PI4KA: variants seen among roughly 807,000 people sequenced by gnomAD.
PI4KA encodes PI4-kinase alpha.
Under a neutral mutation model 271.4 loss-of-function variants are expected in PI4KA, and 122 were observed. The ratio of observed to expected loss-of-function variants is 0.45; its 90% confidence interval spans 0.39 to 0.52. The LOEUF is 0.52. Among genes scored for constraint, PI4KA ranks in the 20% least tolerant of loss-of-function variants. The probability of loss-of-function intolerance (pLI) is 0.00; values close to 1 mark genes in which losing one functional copy is unlikely to be tolerated. For synonymous variants in PI4KA, 1,041 were observed against 1,078.8 expected (o/e 0.96, Z 0.69); for missense variants, 1,969 against 2,769.1 (o/e 0.71, Z 6.48).
intron 19 of PI4KA, 34 bp from the exon 20 acceptor site, chr22:20,765,727 T>G: frequency 7.0e-7 from 1 of 1,426,140 alleles, no homozygotes; most frequent in Non-Finnish European, 9.9e-7. Context: ...GAAAGGAGGT[T>G]ATTTGCTGAG....
intron 28 of PI4KA, among the ~76,000 whole-genome samples, chr22:20,749,312 CAG>C (rs1401598232): frequency 1.3e-5 from 2 of 152,254 alleles, no homozygotes; most frequent in African/African-American, 4.8e-5. Flanking sequence ...TCTGCTAACA[CAG>C]ATTCCTTCCA....
At chr22:20,795,144 T>C (rs891631407) in intron 18 of PI4KA, among the ~76,000 whole-genome samples, 2 of 152,138 alleles carry the variant, frequency 1.3e-5, no homozygotes, top group Admixed American at 6.5e-5. Context: ...AATAATCTGA[T>C]CAATCTTTTA....
intron 19 of PI4KA, chr22:20,780,333 A>T (rs970415558): frequency 7.0e-7 from 1 of 1,418,912 alleles, no homozygotes; most frequent in Non-Finnish European, 9.8e-7. Flanking sequence ...TTGACTCTGG[A>T]ACGGGGACAG....
At chr22:20,770,910 T>C (rs165618) in intron 19 of PI4KA, among the ~76,000 whole-genome samples, 69,526 of 151,930 alleles carry the variant, frequency 0.46, 16,516 homozygotes, top group African/African-American at 0.57. Flanking sequence ...CTGGATGAGG[T>C]AGTTCACGCC....
chr22:20,709,525 G>A (rs1029161995), intron 53 of PI4KA, 146 bp from the exon 54 acceptor site: 2 of 666,458 alleles, frequency 3.0e-6, no homozygotes, highest in African/African-American at 3.6e-5. Context: ...GTTGGAAGAT[G>A]GGGTGCTGTG....
intron 10 of PI4KA, 116 bp downstream of exon 10, chr22:20,807,246 G>C: frequency 1.5e-6 from 1 of 660,206 alleles, no homozygotes; most frequent in South Asian, 1.9e-5. Context: ...TTGCTCATAT[G>C]TGTTTTTCAG....
Position 20,858,615 on chromosome 22 carries a change from T to C in PI4KA, c.111A>G (p.Ser37=). ...SRGFYFNTVL[S]LARSLAVQRP... is the part of the protein sequence containing the mutation. ...TCTGCACCGCCAGGGAGCGGGCCAG[T>C]GACAGGACCGTGTTGAAATAGAAGC... Residue 37 remains serine (S), a synonymous_variant, in exon 1 of 55, where the codon TCA becomes TCG. Transcript: ENST00000255882. 6.7e-7 allele frequency: 1 copy of C among 1,484,924 alleles called. No homozygotes were observed. The highest frequency in any genetic ancestry group is 8.9e-7 in the Non-Finnish European group (1 of 1,123,440). The allele number at this position is 1,484,924 out of a possible 1,614,324, so 92.0% of individuals were successfully genotyped here. A position where few individuals can be genotyped will look rare whatever the true frequency, so the allele number is the denominator to read the frequency against.
At chr22:20,820,633 G>GAA (rs764245223) in intron 4 of PI4KA, 22 bp from the exon 5 acceptor site, 103 of 1,376,700 alleles carry the variant, frequency 7.5e-5, no homozygotes, top group Middle Eastern at 1.9e-4. Context: ...AAGGAAACAA[G>GAA]AAAAAAAAAA....
chr22:20,816,304 T>G (rs1029239064), intron 7 of PI4KA, among the ~76,000 whole-genome samples: 5 of 152,198 alleles, frequency 3.3e-5, no homozygotes, highest in Non-Finnish European at 5.9e-5. Context: ...ATTTTTTATT[T>G]TATTTAGTTT....
intron 36 of PI4KA, among the ~76,000 whole-genome samples, chr22:20,732,521 T>A (rs907445873): frequency 4.6e-5 from 7 of 152,238 alleles, no homozygotes; most frequent in African/African-American, 1.4e-4. Flanking sequence ...CATCTCTGAT[T>A]CCTCAACTCT....
At chr22:20,809,086 G>T (rs1047360548) in intron 9 of PI4KA, among the ~76,000 whole-genome samples, 1 of 152,196 alleles carries the variant, frequency 6.6e-6, no homozygotes, top group Non-Finnish European at 1.5e-5. Flanking sequence ...AACGTCTGGT[G>T]GTCCTCACAG....
chr22:20,711,612 C>T (rs919485914), intron 50 of PI4KA, 151 bp from the exon 51 acceptor site: 31 of 812,622 alleles, frequency 3.8e-5, no homozygotes, highest in Admixed American at 1.9e-4. Context: ...AGCCAGTCTT[C>T]GGTAGCAGGA....
intron 1 of PI4KA, among the ~76,000 whole-genome samples, chr22:20,847,083 G>A (rs1926363694): frequency 6.6e-6 from 1 of 151,410 alleles, no homozygotes; most frequent in African/African-American, 2.4e-5. Context: ...AGGAGGTGGA[G>A]GTTGCAGTGA....
rs530545802 is a variant in PI4KA at position 20,713,453 on chromosome 22, A to G, written c.5462-63T>C. 10 of 1,264,544 alleles carry G rather than the reference A, an allele frequency of 7.9e-6. No homozygotes were observed. The East Asian group carries it at 2.5e-4, about 32-fold the overall frequency. The allele number at this position is 1,264,544 out of a possible 1,614,324, so 78.3% of individuals were successfully genotyped here. A position where few individuals can be genotyped will look rare whatever the true frequency, so the allele number is the denominator to read the frequency against. ...CAGTGAGAAGCCCTCTGAGGGGGCC[A>G]GGGATGAGTCCTCTCACATGCCTGA... is the stretch of plus-strand genomic sequence containing the variant. On this transcript the variant is annotated intron_variant, in intron 47 of 54. Coordinates refer to ENST00000255882, the MANE Select transcript of PI4KA (RefSeq NM_058004.4).
At chr22:20,842,844 C>T (rs1423220286) in intron 1 of PI4KA, among the ~76,000 whole-genome samples, 2 of 149,160 alleles carry the variant, frequency 1.3e-5, no homozygotes, top group East Asian at 4.0e-4. Context: ...GGCGCAGTGG[C>T]TCACGCCTGT....
chr22:20,729,866 G>A (rs1032117457), intron 37 of PI4KA, 26 bp downstream of exon 37: 3 of 1,613,476 alleles, frequency 1.9e-6, no homozygotes, highest in Non-Finnish European at 2.5e-6. Flanking sequence ...GCATGTGATG[G>A]CCCCAGCAGC....
chr22:20,715,358 C>T (rs1925852555), intron 45 of PI4KA, among the ~76,000 whole-genome samples: 1 of 152,162 alleles, frequency 6.6e-6, no homozygotes, highest in African/African-American at 2.4e-5. Flanking sequence ...GTGTGAGCCA[C>T]TGCGCCTGGC....
In PI4KA at chr22:20,831,132, T is replaced by C. The variant is rs185210451; in HGVS notation, c.367+3430A>G. Among the ~76,000 whole-genome samples the C allele has an allele frequency of 9.5e-4, 145 of 152,302 alleles. 1 individual carries two copies. The highest frequency in any genetic ancestry group is 1.7e-3 in the South Asian group (8 of 4,824). On this transcript the variant is annotated intron_variant, in intron 3 of 54. Transcript: ENST00000255882. ...TTTCCCTTCCATGTTTAGCATTCCCTTCAAGACCCTGTAAGGCAGGTGGTG... is the reference window on the plus strand; with the variant it reads ...TTTCCCTTCCATGTTTAGCATTCCCCTCAAGACCCTGTAAGGCAGGTGGTG...
intron 2 of PI4KA, among the ~76,000 whole-genome samples, chr22:20,835,925 G>A (rs1221025749): frequency 6.6e-6 from 1 of 151,968 alleles, no homozygotes; most frequent in Non-Finnish European, 1.5e-5. Context: ...GTGGGCACCT[G>A]TAGTCTCAGC....
Sources: allele counts gnomAD v4.1 joint callset (sites outside exome capture counted in the v4.1 genomes callset), GRCh38; gene constraint gnomAD v4.1.1; transcripts MANE v1.5; gene names NCBI Gene and HGNC (gene_info 2026-07-23, HGNC 2026-07-21).